MCCC2: variants seen among roughly 807,000 people sequenced by gnomAD.
MCCC2 encodes methylcrotonyl-CoA carboxylase subunit 2, also known as methylcrotonoyl-CoA carboxylase beta chain, mitochondrial.
MCCC2 carries 52 observed loss-of-function variants against 77.2 expected under a neutral mutation model. The observed-to-expected ratio is 0.67, with a 90% CI of 0.54 to 0.85. MCCC2 has a LOEUF of 0.85. Ranked by LOEUF, MCCC2 falls within the 40% of genes least tolerant of loss-of-function variation. The probability of loss-of-function intolerance (pLI) is 0.00; values close to 1 mark genes in which losing one functional copy is unlikely to be tolerated. For synonymous variants in MCCC2, 253 were observed against 248.4 expected (o/e 1.02, Z -0.18); for missense variants, 682 against 703.2 (o/e 0.97, Z 0.34).
chr5:71,624,696 T>C (rs1228025268), intron 6 of MCCC2, among the ~76,000 whole-genome samples: 4 of 63,946 alleles, frequency 6.3e-5, no homozygotes, highest in African/African-American at 8.6e-5. Context: ...TTTCTTTCTT[T>C]TTTTTTTTTT....
chr5:71,628,704 A>G (rs1225912121), intron 7 of MCCC2, among the ~76,000 whole-genome samples: 1 of 152,204 alleles, frequency 6.6e-6, no homozygotes, highest in Non-Finnish European at 1.5e-5. Flanking sequence ...CCTCAGCTAT[A>G]CAATTGTTTG....
chr5:71,656,310 G>T (rs565328037), intron 16 of MCCC2, among the ~76,000 whole-genome samples: 1 of 152,244 alleles, frequency 6.6e-6, no homozygotes, highest in African/African-American at 2.4e-5. Context: ...GGGGGTTGGG[G>T]AATATACATT....
At chr5:71,612,698 A>G (rs749492074) in intron 6 of MCCC2, among the ~76,000 whole-genome samples, 3 of 152,196 alleles carry the variant, frequency 2.0e-5, no homozygotes, top group Non-Finnish European at 4.4e-5. Context: ...TTAGTTTCCT[A>G]GGGCTGTTGT....
chr5:71,623,624 C>T (rs1318385629), intron 6 of MCCC2, among the ~76,000 whole-genome samples: 2 of 152,202 alleles, frequency 1.3e-5, no homozygotes, highest in African/African-American at 4.8e-5. Flanking sequence ...TTGCCATATT[C>T]TCTTTATTAC....
At chr5:71,620,664 G>C (rs1746320704) in intron 6 of MCCC2, among the ~76,000 whole-genome samples, 1 of 152,190 alleles carries the variant, frequency 6.6e-6, no homozygotes, top group South Asian at 2.1e-4. Flanking sequence ...GCAAGACCTA[G>C]AGGGTAATGA....
intron 12 of MCCC2, 24 bp from the exon 13 acceptor site, chr5:71,646,187 G>C: frequency 6.2e-7 from 1 of 1,604,676 alleles, no homozygotes; most frequent in Non-Finnish European, 8.5e-7. Flanking sequence ...CTTTTAAAAA[G>C]ATTTTTATGT....
At chr5:71,603,370 C>T (rs1041460683) in intron 5 of MCCC2, among the ~76,000 whole-genome samples, 1 of 128,890 alleles carries the variant, frequency 7.8e-6, no homozygotes, top group Non-Finnish European at 1.6e-5. Flanking sequence ...GAGCTGAAAT[C>T]GTGCCACTGT....
chr5:71,622,954 G>A (rs767087554), intron 6 of MCCC2, among the ~76,000 whole-genome samples: 2 of 152,064 alleles, frequency 1.3e-5, no homozygotes, highest in Non-Finnish European at 2.9e-5. Flanking sequence ...GTTTTCCTTC[G>A]CTCTCTGGGA....
chr5:71,656,977 A>T lies in MCCC2; in HGVS notation c.*117A>T, dbSNP rs1234755114. On this transcript the variant is annotated 3_prime_UTR_variant, in exon 17 of 17. Coordinates refer to ENST00000340941, the MANE Select transcript of MCCC2 (RefSeq NM_022132.5). ...TACAGTAATTTTTTTAACACTGTGC[A>T]TTGTACTTTTCTACCTTAAAAAAAT... The T allele has an allele frequency of 1.3e-6, 1 of 761,552 alleles. No homozygotes were observed. 47.2% of individuals were successfully genotyped at this position (761,552 alleles called of 1,614,324 possible). A position where few individuals can be genotyped will look rare whatever the true frequency, so the allele number is the denominator to read the frequency against.
At chr5:71,656,585 T>C (rs146025804) in intron 16 of MCCC2, among the ~76,000 whole-genome samples, 158 bp from the exon 17 acceptor site, 1 of 152,362 alleles carries the variant, frequency 6.6e-6, no homozygotes, top group African/African-American at 2.4e-5. Flanking sequence ...CCCTCTGTCT[T>C]GAACGTAGTT....
At chr5:71,629,122 C>T (rs1182655966) in intron 7 of MCCC2, among the ~76,000 whole-genome samples, 2 of 151,444 alleles carry the variant, frequency 1.3e-5, no homozygotes, top group African/African-American at 4.9e-5. Context: ...AGGGGAATTG[C>T]TTTACTGGGA....
chr5:71,627,951 C>A (rs1378800913), intron 7 of MCCC2, among the ~76,000 whole-genome samples: 4 of 152,132 alleles, frequency 2.6e-5, no homozygotes, highest in Non-Finnish European at 1.5e-5. Flanking sequence ...TCAAGTGATT[C>A]TCCTGCCTCA....
At chr5:71,639,656 T>G (rs1747053507) in intron 10 of MCCC2, among the ~76,000 whole-genome samples, 1 of 152,226 alleles carries the variant, frequency 6.6e-6, no homozygotes, top group Non-Finnish European at 1.5e-5. Flanking sequence ...CCTGGTGGTG[T>G]TAATTGTAAT....
intron 6 of MCCC2, among the ~76,000 whole-genome samples, chr5:71,607,641 C>T (rs2112342991): frequency 6.9e-6 from 1 of 145,876 alleles, no homozygotes. Context: ...TTTGCTCTTG[C>T]TTTTCTAGTT....
intron 6 of MCCC2, among the ~76,000 whole-genome samples, chr5:71,611,926 C>T (rs1354704792): frequency 1.3e-5 from 2 of 151,714 alleles, no homozygotes; most frequent in Non-Finnish European, 2.9e-5. Flanking sequence ...GTAGCTGGGA[C>T]TACAGGCGCC....
intron 10 of MCCC2, chr5:71,635,816 G>T: frequency 6.1e-6 from 1 of 164,480 alleles, no homozygotes; most frequent in Admixed American, 5.9e-5. Flanking sequence ...TTTAAATTAG[G>T]AAATTATCTT....
chr5:71,642,478 C>T lies in MCCC2; in HGVS notation c.1073-1341C>T, dbSNP rs201165498. ...GTTTGATCAGGCAGTTGGTGAAGAC[C>T]GTCCCTCTATGGGTGTCCCTAGTAG... On this transcript the variant is annotated intron_variant, in intron 11 of 16. Coordinates refer to ENST00000340941, the MANE Select transcript of MCCC2 (RefSeq NM_022132.5). Among the ~76,000 whole-genome samples, 4 of 152,142 alleles carry T rather than the reference C, an allele frequency of 2.6e-5. No individual in the cohort carries two copies. The East Asian group carries it at 5.8e-4, about 22-fold the overall frequency.
intron 6 of MCCC2, among the ~76,000 whole-genome samples, chr5:71,609,331 C>T (rs1040144022): frequency 4.6e-5 from 7 of 152,138 alleles, no homozygotes; most frequent in Admixed American, 4.6e-4. Context: ...TCTTCCATTG[C>T]TGATACCCTT....
rs140296259 is a variant in MCCC2, at chr5:71,645,555, A to G, written c.1150-656A>G. ...TACTATAATCCTGATGCATTAAAGA[A>G]TTTCAGATGATCATCAAAATGGAAA... On this transcript the variant is annotated intron_variant, in intron 12 of 16. Coordinates refer to ENST00000340941, the MANE Select transcript of MCCC2 (RefSeq NM_022132.5). Among the ~76,000 whole-genome samples, 366 of 152,340 alleles carry G rather than the reference A, an allele frequency of 2.4e-3. 3 individuals are homozygous for G. Among genetic ancestry groups the G allele is most frequent in the African/African-American group, 8.4e-3 (348 of 41,576 alleles).
Sources: gnomAD v4.1 joint callset for allele counts (sites outside exome capture counted in the v4.1 genomes callset) on GRCh38, gnomAD v4.1.1 for gene constraint, MANE v1.5 for transcripts, NCBI Gene and HGNC (gene_info 2026-07-23, HGNC 2026-07-21) for gene names.